R3HDM2: variants seen among roughly 807,000 people sequenced by gnomAD.
The protein encoded by R3HDM2 is R3H domain containing 2.
A neutral mutation model predicts 124.5 loss-of-function variants in R3HDM2; 38 were observed. The ratio of observed to expected loss-of-function variants is 0.31; its 90% CI spans 0.24 to 0.40. The LOEUF (loss-of-function observed/expected upper bound fraction) is 0.40, where lower values mean the gene tolerates loss of function less well. R3HDM2 is among the 10% of genes least tolerant of loss of function. The pLI is 1.00. For missense variants in R3HDM2, 869 were observed against 1,236.9 expected, an observed-to-expected ratio of 0.70 and a Z score of 4.46; for synonymous variants, 391 against 448.0, an observed-to-expected ratio of 0.87 and a Z score of 1.61.
intron 11 of R3HDM2, among the ~76,000 whole-genome samples, chr12:57,292,243 G>A (rs558789397): frequency 1.4e-3 from 211 of 152,330 alleles, no homozygotes; most frequent in Non-Finnish European, 2.1e-3. Flanking sequence ...AGGGTAAGCA[G>A]AAGGAGGGTT....
At position 57,397,642 on chromosome 12, in the gene R3HDM2, ACTC is replaced by A. The variant is rs2067680449; in HGVS notation, c.-105-1827_-105-1825del. The stretch of plus-strand genomic sequence containing the variant: ...TCACCACTAGTGCTGGTCCTAAAAC[ACTC>A]CTCCTGTGGTAAACTTTTTCCCATG... On this transcript the variant is annotated intron_variant, in intron 1 of 23. Coordinates refer to ENST00000402412, the MANE Select transcript of R3HDM2 (RefSeq NM_001394031.1). Among the ~76,000 whole-genome samples, 3 of 151,688 alleles carry A rather than the reference ACTC, an allele frequency of 2.0e-5. No individual in the cohort carries two copies. In the East Asian group the frequency reaches 5.8e-4, roughly 29 times the overall value.
intron 11 of R3HDM2, among the ~76,000 whole-genome samples, chr12:57,291,322 G>C (rs1323056707): frequency 6.6e-6 from 1 of 151,800 alleles, no homozygotes; most frequent in African/African-American, 2.4e-5. Flanking sequence ...TGGGGGAATG[G>C]GAGGAAAGTA....
At chr12:57,325,741 GT>G (rs1156658226) in intron 2 of R3HDM2, among the ~76,000 whole-genome samples, 1 of 150,322 alleles carries the variant, frequency 6.7e-6, no homozygotes, top group Admixed American at 6.6e-5. Flanking sequence ...AGAGATGGGG[GT>G]CTCCCTATAT....
intron 2 of R3HDM2, among the ~76,000 whole-genome samples, chr12:57,353,858 AT>A (rs1305808447): frequency 6.6e-6 from 1 of 151,776 alleles, no homozygotes; most frequent in Non-Finnish European, 1.5e-5. Flanking sequence ...TGTTTTTTTT[AT>A]TTTTTTATTT....
chr12:57,334,875 T>C (rs1174215190), intron 2 of R3HDM2, among the ~76,000 whole-genome samples: 3 of 151,742 alleles, frequency 2.0e-5, no homozygotes, highest in Non-Finnish European at 2.9e-5. Context: ...TCGTGGCTCA[T>C]GTCTGTAATC....
chr12:57,409,140 A>G (rs1594562979), intron 1 of R3HDM2, among the ~76,000 whole-genome samples: 1 of 152,176 alleles, frequency 6.6e-6, no homozygotes, highest in African/African-American at 2.4e-5. Context: ...AATGATTATT[A>G]AGCCTCCTAA....
intron 2 of R3HDM2, among the ~76,000 whole-genome samples, chr12:57,344,080 T>G (rs1726499315): frequency 6.6e-6 from 1 of 152,216 alleles, no homozygotes; most frequent in South Asian, 2.1e-4. Flanking sequence ...CATGCATATA[T>G]GTGCATATAA....
intron 2 of R3HDM2, among the ~76,000 whole-genome samples, chr12:57,392,195 A>G (rs1270630985): frequency 6.6e-6 from 1 of 152,226 alleles, no homozygotes; most frequent in African/African-American, 2.4e-5. Context: ...ATGAACCACC[A>G]CACCCAGCTA....
intron 3 of R3HDM2, among the ~76,000 whole-genome samples, chr12:57,306,371 T>A (rs1223420936): frequency 6.6e-6 from 1 of 151,792 alleles, no homozygotes; most frequent in Admixed American, 6.6e-5. Flanking sequence ...GATTACAAGT[T>A]TAAAGGCAGA....
intron 1 of R3HDM2, chr12:57,418,435 A>G: frequency 1.7e-6 from 1 of 601,384 alleles, no homozygotes; most frequent in Non-Finnish European, 2.1e-6. Flanking sequence ...TTGTACAACT[A>G]AAAGTCTTTA....
intron 2 of R3HDM2, among the ~76,000 whole-genome samples, chr12:57,312,799 G>A (rs1266910065): frequency 1.3e-5 from 2 of 151,638 alleles, no homozygotes; most frequent in Non-Finnish European, 2.9e-5. Context: ...GCTCAATTGC[G>A]CTCAATTGCC....
intron 2 of R3HDM2, 70 bp downstream of exon 2, chr12:57,395,679 T>C (rs530727221): frequency 1.6e-6 from 1 of 610,122 alleles, no homozygotes; most frequent in African/African-American, 2.0e-5. Flanking sequence ...GAGGATTAAA[T>C]GAGAACAGAT....
In R3HDM2 at chr12:57,299,487, GA is replaced by G; in HGVS notation, c.295-10del. ...TGCAATTGAATTATATCCTTAAGGG[GA>G]AAAAGGATAATCAAAGGGGGAAAAA... On this transcript the variant is annotated splice_polypyrimidine_tract_variant and intron_variant, in intron 5 of 23. Coordinates refer to ENST00000402412, the MANE Select transcript of R3HDM2 (RefSeq NM_001394031.1). The G allele has an allele frequency of 2.6e-6, 4 of 1,542,756 alleles. No homozygotes were observed. The highest frequency in any genetic ancestry group is 2.6e-6 in the Non-Finnish European group (3 of 1,140,636).
At chr12:57,417,317 G>A (rs370952958) in intron 1 of R3HDM2, among the ~76,000 whole-genome samples, 28 of 151,464 alleles carry the variant, frequency 1.8e-4, no homozygotes, top group African/African-American at 5.6e-4. Context: ...CCCAGGAACC[G>A]GATGTTGCAG....
At chr12:57,256,383 T>C in intron 22 of R3HDM2, 31 bp downstream of exon 22, 1 of 1,482,878 alleles carries the variant, frequency 6.7e-7, no homozygotes, top group Non-Finnish European at 9.1e-7. Context: ...AGGGGTCTGA[T>C]GGCCCTACAG....
intron 3 of R3HDM2, among the ~76,000 whole-genome samples, chr12:57,309,326 G>A (rs574004682): frequency 3.0e-4 from 45 of 152,296 alleles, no homozygotes; most frequent in South Asian, 2.7e-3. Flanking sequence ...TTGGGCTTGG[G>A]TAACAGAAGA....
At chr12:57,295,111 T>C (rs536753851) in intron 10 of R3HDM2, among the ~76,000 whole-genome samples, 1 of 152,286 alleles carries the variant, frequency 6.6e-6, no homozygotes, top group South Asian at 2.1e-4. Flanking sequence ...CCTTGCTTTA[T>C]TCCAAATGAT....
At chr12:57,402,593 A>C (rs752925181) in intron 1 of R3HDM2, among the ~76,000 whole-genome samples, 5 of 151,466 alleles carry the variant, frequency 3.3e-5, no homozygotes, top group Non-Finnish European at 7.4e-5. Flanking sequence ...AAATGGCGAA[A>C]CCCCATCTCT....
At chr12:57,317,955 G>A (rs1313637165) in intron 2 of R3HDM2, among the ~76,000 whole-genome samples, 14 of 150,796 alleles carry the variant, frequency 9.3e-5, no homozygotes, top group Admixed American at 8.0e-4. Flanking sequence ...ACTCCAGCCT[G>A]GGCAACAGAG....
Sources: allele counts gnomAD v4.1 joint callset (sites outside exome capture counted in the v4.1 genomes callset), GRCh38; gene constraint gnomAD v4.1.1; transcripts MANE v1.5; gene names NCBI Gene and HGNC (gene_info 2026-07-23, HGNC 2026-07-21).